Variants in CTNNA3 observed in about 807,000 individuals in gnomAD.
CTNNA3 encodes catenin alpha 3.
A neutral mutation model predicts 95.7 loss-of-function variants in CTNNA3; 76 were observed. The observed-to-expected ratio is 0.79, with a 90% CI of 0.66 to 0.96. The LOEUF (loss-of-function observed/expected upper bound fraction) is 0.96, where lower values mean the gene tolerates loss of function less well. Ranked by LOEUF, CTNNA3 falls within the 40% of genes least tolerant of loss-of-function variation. The probability of loss-of-function intolerance (pLI) is 0.00; values close to 1 mark genes in which losing one functional copy is unlikely to be tolerated. For missense variants in CTNNA3, 1,191 were observed against 1,089.8 expected, an observed-to-expected ratio of 1.09 and a Z score of -1.31; for synonymous variants, 431 against 374.4, an observed-to-expected ratio of 1.15 and a Z score of -1.74.
At position 67,668,015 on chromosome 10, in the gene CTNNA3, T is replaced by C. The variant is rs1840361757; in HGVS notation, c.-5-20497A>G. Among the ~76,000 whole-genome samples the C allele has an allele frequency of 1.3e-5, 2 of 152,174 alleles. 1 individual carries two copies. Among genetic ancestry groups the C allele is most frequent in the South Asian group, 4.1e-4 (2 of 4,824 alleles). On this transcript the variant is annotated intron_variant, in intron 1 of 17. Coordinates refer to ENST00000433211, the MANE Select transcript of CTNNA3 (RefSeq NM_013266.4). ...AATATGTATATAAATAATTTTGTTA[T>C]TGTTGTTGTTTCTAGTTACCCACTT...
At chr10:66,777,626 T>G (rs1840355840) in intron 7 of CTNNA3, among the ~76,000 whole-genome samples, 1 of 152,048 alleles carries the variant, frequency 6.6e-6, no homozygotes, top group Non-Finnish European at 1.5e-5. Context: ...CTCAGACAGT[T>G]TATAATTTTA....
intron 7 of CTNNA3, among the ~76,000 whole-genome samples, chr10:66,955,885 G>T (rs2132743625): frequency 6.6e-6 from 1 of 152,176 alleles, no homozygotes; most frequent in East Asian, 1.9e-4. Context: ...TCTGACTGGG[G>T]GGTATCTTTC....
intron 7 of CTNNA3, among the ~76,000 whole-genome samples, chr10:66,964,219 A>G (rs1049589141): frequency 3.9e-5 from 6 of 152,060 alleles, no homozygotes; most frequent in African/African-American, 1.2e-4. Flanking sequence ...ATTCAGCACA[A>G]CATTCTTCTC....
At position 66,434,403 on chromosome 10, in the gene CTNNA3, G is replaced by A. The variant is rs190977051; in HGVS notation, c.1532-55051C>T. 1.1e-4 allele frequency among the ~76,000 whole-genome samples: 17 copies of A among 152,104 alleles called. No individual in the cohort carries two copies. The East Asian group carries it at 3.3e-3, about 29-fold the overall frequency. On this transcript the variant is annotated intron_variant, in intron 11 of 17. Transcript: ENST00000433211. Reference sequence around the variant, plus strand: ...TTCTAGGTATTTTATTCTCTTTCTAGCAATTGTGAATAGGAGTTCTCTCAT... The same window carrying A: ...TTCTAGGTATTTTATTCTCTTTCTAACAATTGTGAATAGGAGTTCTCTCAT...
intron 5 of CTNNA3, among the ~76,000 whole-genome samples, chr10:67,358,367 GA>G (rs1842886856): frequency 6.6e-6 from 1 of 152,100 alleles, no homozygotes; most frequent in Non-Finnish European, 1.5e-5. Flanking sequence ...ACACAGCCAG[GA>G]AACATCTGTC....
At chr10:67,482,499 C>T (rs2133056755) in intron 5 of CTNNA3, among the ~76,000 whole-genome samples, 1 of 151,958 alleles carries the variant, frequency 6.6e-6, no homozygotes, top group South Asian at 2.1e-4. Context: ...GTATTTTATT[C>T]TCTTTGAAGC....
chr10:67,164,388 T>C (rs567620501), intron 7 of CTNNA3, among the ~76,000 whole-genome samples: 1 of 152,216 alleles, frequency 6.6e-6, no homozygotes, highest in South Asian at 2.1e-4. Flanking sequence ...AGCAACTGGA[T>C]ATCAATAGGC....
In CTNNA3 at chr10:66,775,375, A is replaced by G. The variant is rs557776387; in HGVS notation, c.1128+69T>C. On this transcript the variant is annotated intron_variant, in intron 8 of 17. Coordinates refer to ENST00000433211, the MANE Select transcript of CTNNA3 (RefSeq NM_013266.4). ...GAAAGGAACAAAACAAGAAACAAAT[A>G]TGCCTGCAATGAATAACAGTTTCAT... 128 of 1,010,238 alleles carry G rather than the reference A, an allele frequency of 1.3e-4. 1 individual carries two copies. In the African/African-American group the frequency reaches 1.9e-3, roughly 15 times the overall value. 62.6% of individuals were successfully genotyped at this position (1,010,238 alleles called of 1,614,324 possible).
intron 5 of CTNNA3, among the ~76,000 whole-genome samples, chr10:67,306,827 A>G (rs1332124470): frequency 6.6e-6 from 1 of 152,130 alleles, no homozygotes; most frequent in East Asian, 1.9e-4. Context: ...CCTGACTTCT[A>G]GATCCCATCC....
intron 7 of CTNNA3, among the ~76,000 whole-genome samples, chr10:66,955,991 A>T (rs1176181815): frequency 6.6e-6 from 1 of 152,110 alleles, no homozygotes; most frequent in Non-Finnish European, 1.5e-5. Context: ...GGGGTGCTCA[A>T]ATCTAACTTG....
intron 7 of CTNNA3, among the ~76,000 whole-genome samples, chr10:66,920,090 A>G (rs1415827397): frequency 6.6e-6 from 1 of 152,222 alleles, no homozygotes; most frequent in Non-Finnish European, 1.5e-5. Flanking sequence ...GGTCATGTTC[A>G]TGACCCTTGA....
intron 9 of CTNNA3, among the ~76,000 whole-genome samples, chr10:66,734,363 A>G: frequency 6.6e-6 from 1 of 152,224 alleles, no homozygotes; most frequent in Non-Finnish European, 1.5e-5. Context: ...ACTATATAAA[A>G]TAATAATAAT....
At chr10:67,739,245 T>C in intron 1 of CTNNA3, among the ~76,000 whole-genome samples, 1 of 152,126 alleles carries the variant, frequency 6.6e-6, no homozygotes, top group East Asian at 1.9e-4. Flanking sequence ...GCAGAAACTC[T>C]ACAAGTCAGA....
chr10:66,879,770 T>C (rs989008052), intron 7 of CTNNA3, among the ~76,000 whole-genome samples: 1 of 152,074 alleles, frequency 6.6e-6, no homozygotes, highest in East Asian at 1.9e-4. Context: ...GTGAAAATTA[T>C]GATGCAGAGG....
At chr10:67,717,572 G>A (rs748057518) in intron 1 of CTNNA3, among the ~76,000 whole-genome samples, 5 of 152,104 alleles carry the variant, frequency 3.3e-5, no homozygotes, top group Non-Finnish European at 5.9e-5. Context: ...TATTAAATAG[G>A]GAATCCTTTC....
intron 4 of CTNNA3, 114 bp from the exon 5 acceptor site, chr10:67,522,075 A>T: frequency 1.0e-6 from 1 of 984,938 alleles, no homozygotes; most frequent in South Asian, 1.7e-5. Context: ...TTCATAATAC[A>T]GTGATAACAA....
intron 11 of CTNNA3, among the ~76,000 whole-genome samples, chr10:66,440,208 T>C (rs141715005): frequency 0.014 from 2,185 of 152,314 alleles, 48 homozygotes; most frequent in African/African-American, 0.048. Context: ...TCAATGTGAC[T>C]GTCAGGAAAA....
At chr10:67,660,519 C>A (rs1840148209) in intron 1 of CTNNA3, among the ~76,000 whole-genome samples, 1 of 152,186 alleles carries the variant, frequency 6.6e-6, no homozygotes, top group Admixed American at 6.5e-5. Context: ...CATCTTCACT[C>A]ATCTTTCATA....
chr10:67,701,143 G>T (rs182827791), upstream of CTNNA3, among the ~76,000 whole-genome samples: 1 of 152,154 alleles, frequency 6.6e-6, no homozygotes, highest in East Asian at 1.9e-4. Context: ...CCAAATCTAC[G>T]TCTGATTGGT....
Sources: allele counts gnomAD v4.1 joint callset (sites outside exome capture counted in the v4.1 genomes callset), GRCh38; gene constraint gnomAD v4.1.1; transcripts MANE v1.5; gene names NCBI Gene and HGNC (gene_info 2026-07-23, HGNC 2026-07-21).